The following GDPD5 variants were observed in gnomAD, a reference collection of about 807,000 sequenced individuals.
GDPD5 encodes glycerophosphodiester phosphodiesterase domain containing 5, also known as glycerophosphodiester phosphodiesterase 2.
GDPD5 carries 48 observed loss-of-function variants against 75.1 expected under a neutral mutation model. The observed-to-expected ratio is 0.64, with a 90% CI of 0.51 to 0.81. The LOEUF (loss-of-function observed/expected upper bound fraction) is 0.81, where lower values mean the gene tolerates loss of function less well. GDPD5 is among the 40% of genes least tolerant of loss of function. The pLI is 0.00. For missense variants in GDPD5, 706 were observed against 822.6 expected, an observed-to-expected ratio of 0.86 and a Z score of 1.73; for synonymous variants, 336 against 339.0, an observed-to-expected ratio of 0.99 and a Z score of 0.10.
At chr11:75,474,154 C>T (rs1383221061) in intron 3 of GDPD5, among the ~76,000 whole-genome samples, 3 of 152,210 alleles carry the variant, frequency 2.0e-5, no homozygotes, top group African/African-American at 4.8e-5. Flanking sequence ...CTCCCTTGCT[C>T]TTCCTGGAGG....
At chr11:75,444,591 GC>G in intron 9 of GDPD5, 96 bp from the exon 10 acceptor site, 1 of 940,552 alleles carries the variant, frequency 1.1e-6, no homozygotes, top group Non-Finnish European at 1.7e-6. Flanking sequence ...GCTGGGCTAG[GC>G]CTGGTTCTAA....
intron 1 of GDPD5, among the ~76,000 whole-genome samples, chr11:75,514,641 T>C (rs991438045): frequency 6.6e-6 from 1 of 152,234 alleles, no homozygotes; most frequent in Non-Finnish European, 1.5e-5. Flanking sequence ...CAACACCTGG[T>C]CACCCAGTTC....
chr11:75,481,408 CAG>C (rs1949916010), intron 2 of GDPD5, among the ~76,000 whole-genome samples: 1 of 152,150 alleles, frequency 6.6e-6, no homozygotes, highest in African/African-American at 2.4e-5. Context: ...CTGAATGACC[CAG>C]AGTCTCCTGA....
intron 16 of GDPD5, among the ~76,000 whole-genome samples, chr11:75,435,893 C>T (rs1187251375): frequency 6.6e-6 from 1 of 152,228 alleles, no homozygotes; most frequent in African/African-American, 2.4e-5. Flanking sequence ...ACCACCTGTG[C>T]CCCTGAGCTT....
chr11:75,493,025 T>C (rs1005194013), intron 1 of GDPD5, among the ~76,000 whole-genome samples: 3 of 152,142 alleles, frequency 2.0e-5, no homozygotes, highest in Non-Finnish European at 4.4e-5. Context: ...CCACTGCACC[T>C]TGCAAATATA....
At chr11:75,476,766 G>A (rs865856418) in intron 3 of GDPD5, among the ~76,000 whole-genome samples, 10 of 152,076 alleles carry the variant, frequency 6.6e-5, no homozygotes, top group South Asian at 2.1e-4. Flanking sequence ...GGCTCTATCC[G>A]TCATCAGCAC....
chr11:75,498,643 G>C (rs532705693), intron 1 of GDPD5, among the ~76,000 whole-genome samples: 49 of 152,346 alleles, frequency 3.2e-4, no homozygotes, highest in African/African-American at 1.1e-3. Flanking sequence ...GGAGAACAAT[G>C]GGGGCGGGAG....
chr11:75,435,673 G>C lies in GDPD5; in HGVS notation c.1670-18C>G, dbSNP rs1467287581. The C allele has an allele frequency of 6.3e-7, 1 of 1,578,644 alleles. No individual in the cohort carries two copies. Among genetic ancestry groups the C allele is most frequent in the East Asian group, 2.3e-5 (1 of 43,990 alleles). The stretch of plus-strand genomic sequence containing the variant: ...GCTGATCTCTGCTGGGCCAGAGGGA[G>C]ACAGAATGTGAGTCGGGGAGGAGGC... On this transcript the variant is annotated intron_variant, in intron 16 of 16. Coordinates refer to ENST00000336898, the MANE Select transcript of GDPD5 (RefSeq NM_030792.8).
intron 2 of GDPD5, among the ~76,000 whole-genome samples, chr11:75,489,584 T>C (rs670438): frequency 6.6e-6 from 1 of 152,228 alleles, no homozygotes; most frequent in African/African-American, 2.4e-5. Context: ...GAAGCATCAC[T>C]TTCTCTAGGA....
intron 1 of GDPD5, chr11:75,517,328 C>T (rs895347691): frequency 6.6e-6 from 1 of 152,104 alleles, no homozygotes; most frequent in African/African-American, 2.4e-5. Flanking sequence ...GTGGCACTTG[C>T]CTGTAATCCC....
chr11:75,439,913 A>C lies in GDPD5; in HGVS notation c.1522T>G (p.Phe508Val). The C allele has an allele frequency of 6.2e-7, 1 of 1,613,972 alleles. No homozygotes were observed. Among genetic ancestry groups the C allele is most frequent in the Non-Finnish European group, 8.5e-7 (1 of 1,179,930 alleles). The change falls in exon 15 of 17, where the codon TTC (phenylalanine) becomes GTC (valine). Residue 508 changes from phenylalanine to valine, a missense_variant. By Grantham distance (50) the Phe-to-Val change is conservative. Coordinates refer to ENST00000336898, the MANE Select transcript of GDPD5 (RefSeq NM_030792.8). ...ACGAAGATGCCCACGATGAGGGTGA[A>C]GGAGACCAGGTCGGCAGTGACCCAC... ...LMWVTADLVSFTLIVGIFVLQ... is the reference protein window; with the variant it reads ...LMWVTADLVSVTLIVGIFVLQ...
At chr11:75,468,685 C>T (rs74383075) in intron 3 of GDPD5, among the ~76,000 whole-genome samples, 5 of 152,134 alleles carry the variant, frequency 3.3e-5, no homozygotes, top group African/African-American at 4.8e-5. Flanking sequence ...CGACGCCCCC[C>T]CCCCGGGAGG....
chr11:75,449,424 G>T, intron 8 of GDPD5, 93 bp downstream of exon 8: 1 of 1,302,734 alleles, frequency 7.7e-7, no homozygotes. Context: ...CCATCCCCAG[G>T]CCACCCCCAG....
intron 1 of GDPD5, among the ~76,000 whole-genome samples, chr11:75,492,159 G>A (rs956269760): frequency 6.6e-6 from 1 of 152,162 alleles, no homozygotes; most frequent in Admixed American, 6.5e-5. Flanking sequence ...CGCGGAGGCC[G>A]CCCCCATCCC....
At chr11:75,475,621 CAG>C (rs780142311) in intron 3 of GDPD5, among the ~76,000 whole-genome samples, 6 of 152,096 alleles carry the variant, frequency 3.9e-5, no homozygotes, top group African/African-American at 1.4e-4. Context: ...TAGGAGGAGA[CAG>C]GGGGCGGAGC....
At chr11:75,487,988 C>T (rs926749418) in intron 2 of GDPD5, among the ~76,000 whole-genome samples, 22 of 152,164 alleles carry the variant, frequency 1.4e-4, no homozygotes, top group Admixed American at 1.2e-3. Flanking sequence ...TGCTAAGTCA[C>T]AAAACATCAG....
At chr11:75,456,959 C>T (rs946202744) in intron 5 of GDPD5, 143 bp from the exon 6 acceptor site, 28 of 755,182 alleles carry the variant, frequency 3.7e-5, no homozygotes, top group Non-Finnish European at 4.8e-5. Context: ...GATGGGAATG[C>T]GCTGCCCTCC....
intron 1 of GDPD5, among the ~76,000 whole-genome samples, chr11:75,521,682 G>C (rs80091892): frequency 6.6e-6 from 1 of 152,200 alleles, no homozygotes; most frequent in South Asian, 2.1e-4. Flanking sequence ...GAGGGGGCAT[G>C]ACCAGAGGGT....
intron 1 of GDPD5, 169 bp from the exon 2 acceptor site, chr11:75,490,489 G>C (rs140959009): frequency 7.9e-5 from 12 of 152,424 alleles, no homozygotes; most frequent in African/African-American, 2.9e-4. Flanking sequence ...CACAAAGCTG[G>C]TGGATGGGCT....
Sources: allele counts gnomAD v4.1 joint callset (sites outside exome capture counted in the v4.1 genomes callset), GRCh38; gene constraint gnomAD v4.1.1; transcripts MANE v1.5; gene names NCBI Gene and HGNC (gene_info 2026-07-23, HGNC 2026-07-21).